Variants in NUDT21 observed in about 807,000 individuals in gnomAD.
NUDT21 encodes nudix hydrolase 21.
A neutral mutation model predicts 29.8 loss-of-function variants in NUDT21; 5 were observed. The observed-to-expected ratio is 0.17, with a 90% CI of 0.09 to 0.35. The LOEUF (loss-of-function observed/expected upper bound fraction) is 0.35. Among genes scored for constraint, NUDT21 ranks in the 10% least tolerant of loss-of-function variants. The pLI is 1.00. For missense variants in NUDT21, 76 were observed against 276.0 expected (o/e 0.28, Z 5.13); for synonymous variants, 113 against 98.5 (o/e 1.15, Z -0.87).
chr16:56,439,751 C>T lies in NUDT21; in HGVS notation c.382-5G>A, dbSNP rs771269878. 3.7e-6 allele frequency: 6 copies of T among 1,610,728 alleles called. No homozygotes were observed. Among genetic ancestry groups the T allele is most frequent in the Non-Finnish European group, 5.1e-6 (6 of 1,177,140 alleles). On this transcript the variant is annotated splice_region_variant and splice_polypyrimidine_tract_variant and intron_variant, in intron 3 of 6. Transcript: ENST00000300291. The stretch of plus-strand genomic sequence containing the variant: ...TCCATCCTGACGACCCAGTATCTGT[C>T]AAAAAGAAATAAGCCAGTAAACAAC...
chr16:56,432,788 T>C, intron 6 of NUDT21, 55 bp from the exon 7 acceptor site: 2 of 1,295,456 alleles, frequency 1.5e-6, no homozygotes, highest in South Asian at 1.3e-5. Context: ...CTACTTTCCA[T>C]ATTAGATAAA....
In NUDT21 at chr16:56,439,672, A is replaced by G. The variant is rs1962139784; in HGVS notation, c.456T>C (p.Asn152=). The G allele has an allele frequency of 6.2e-7, 1 of 1,613,148 alleles. No individual in the cohort carries two copies. ...GAACACTGACCTGAGGAGGTTCAAA[A>G]TTTGGTCTCCACCAGTTACCAATGC... ...DDCIGNWWRP[N]FEPPQYPYIP... is the part of the protein sequence containing the mutation. Residue 152 remains asparagine, a synonymous_variant, in exon 4 of 7, where the codon AAT becomes AAC. Transcript: ENST00000300291.
chr16:56,435,784 T>TATATATAC (rs58350584), intron 4 of NUDT21, among the ~76,000 whole-genome samples: 1 of 101,996 alleles, frequency 9.8e-6, no homozygotes, highest in African/African-American at 3.8e-5. Context: ...TATATATATA[T>TATATATAC]GATCAGTAAG....
chr16:56,432,823 C>A, intron 6 of NUDT21, 90 bp from the exon 7 acceptor site: 1 of 970,336 alleles, frequency 1.0e-6, no homozygotes, highest in Non-Finnish European at 1.5e-6. Context: ...TGTTTCTGCC[C>A]TCCCTTAGCA....
At chr16:56,436,595 C>A (rs1179211285) in intron 4 of NUDT21, among the ~76,000 whole-genome samples, 1 of 152,178 alleles carries the variant, frequency 6.6e-6, no homozygotes, top group Non-Finnish European at 1.5e-5. Context: ...CTGAATAGCA[C>A]AAGCTAAGAG....
chr16:56,434,063 G>A (rs762464382), intron 6 of NUDT21, among the ~76,000 whole-genome samples: 1 of 152,050 alleles, frequency 6.6e-6, no homozygotes, highest in Non-Finnish European at 1.5e-5. Flanking sequence ...TCTCTTTTTT[G>A]AATAAAGACA....
chr16:56,434,537 G>A, intron 5 of NUDT21, 92 bp from the exon 6 acceptor site: 1 of 848,566 alleles, frequency 1.2e-6, no homozygotes, highest in Non-Finnish European at 1.9e-6. Context: ...TTAATAAAAA[G>A]TGTAAGAAAA....
intron 4 of NUDT21, 62 bp from the exon 5 acceptor site, chr16:56,434,891 T>C (rs1176126130): frequency 2.0e-6 from 2 of 990,634 alleles, no homozygotes; most frequent in Admixed American, 3.8e-5. Context: ...TTTACATGTT[T>C]ACTCCCCAGT....
intron 3 of NUDT21, 124 bp from the exon 4 acceptor site, chr16:56,439,870 C>T: frequency 1.3e-6 from 1 of 752,884 alleles, no homozygotes; most frequent in East Asian, 2.5e-5. Flanking sequence ...GCCTTCCATA[C>T]AGATTTTCTA....
rs999279741 is a variant in NUDT21, at chr16:56,451,261, C to G, written c.-59G>C. On this transcript the variant is annotated 5_prime_UTR_variant, in exon 1 of 7. Transcript: ENST00000300291. ...AGTGGCAGGCAGGGTAGACTTTCCC[C>G]GTGCGGGAAGCGGTTATCTGCAATC... 80 of 1,328,174 alleles carry G rather than the reference C, an allele frequency of 6.0e-5. No individual in the cohort carries two copies. Among genetic ancestry groups the G allele is most frequent in the Admixed American group, 4.6e-4 (23 of 50,454 alleles). 82.3% of individuals were successfully genotyped at this position (1,328,174 alleles called of 1,614,324 possible). A position where few individuals can be genotyped will look rare whatever the true frequency, so the allele number is the denominator to read the frequency against.
At position 56,431,543 on chromosome 16, in the gene NUDT21, A is replaced by G. The variant is rs1455753473; in HGVS notation, c.*1169T>C. ...TACTAATCAAAAGTTCATTTCTATT[A>G]AAAACCCTTTTTTCCTTAAGTAGCT... On this transcript the variant is annotated 3_prime_UTR_variant, in exon 7 of 7. Transcript: ENST00000300291. 6.6e-6 allele frequency: 1 copy of G among 152,204 alleles called. No individual in the cohort carries two copies. Among genetic ancestry groups the G allele is most frequent in the African/African-American group, 2.4e-5 (1 of 41,446 alleles). The allele number at this position is 152,204 out of a possible 1,614,324, so 9.4% of individuals were successfully genotyped here.
Position 56,431,123 on chromosome 16 carries a change from A to C in NUDT21, c.*1589T>G, listed in dbSNP as rs1413487041. The stretch of plus-strand genomic sequence containing the variant: ...CATGGAAGGTGAGCTGAATCAATCC[A>C]TCTTCATATCCACTTCCTCCAATCT... On this transcript the variant is annotated 3_prime_UTR_variant, in exon 7 of 7. Transcript: ENST00000300291. 6.6e-6 allele frequency: 1 copy of C among 152,262 alleles called. No individual in the cohort carries two copies. Among genetic ancestry groups the C allele is most frequent in the Non-Finnish European group, 1.5e-5 (1 of 68,052 alleles). 9.4% of individuals were successfully genotyped at this position (152,262 alleles called of 1,614,324 possible).
intron 4 of NUDT21, among the ~76,000 whole-genome samples, chr16:56,438,308 TGA>T (rs1188322385): frequency 6.6e-6 from 1 of 152,232 alleles, no homozygotes; most frequent in Non-Finnish European, 1.5e-5. Context: ...GCCAGCTGCC[TGA>T]GAGTTGTCCT....
intron 1 of NUDT21, among the ~76,000 whole-genome samples, chr16:56,450,725 T>C (rs1962293253): frequency 6.6e-6 from 1 of 152,004 alleles, no homozygotes; most frequent in Non-Finnish European, 1.5e-5. Flanking sequence ...CACAAAGCAA[T>C]ACCATGTACG....
intron 6 of NUDT21, among the ~76,000 whole-genome samples, chr16:56,433,100 CT>C (rs543585903): frequency 5.9e-4 from 90 of 152,322 alleles, no homozygotes; most frequent in African/African-American, 2.1e-3. Context: ...TAATATGACT[CT>C]TTTCCCCCCA....
Position 56,429,834 on chromosome 16 carries a change from G to C in NUDT21, c.*2878C>G, listed in dbSNP as rs1480874755. The C allele has an allele frequency of 6.6e-6, 1 of 152,164 alleles. No individual in the cohort carries two copies. The allele number at this position is 152,164 out of a possible 1,614,324, so 9.4% of individuals were successfully genotyped here. A position where few individuals can be genotyped will look rare whatever the true frequency, so the allele number is the denominator to read the frequency against. ...ATGAACTAGTAAAAACATTAAGTTT[G>C]AGGATGGAAAAGCTACCCCAAGCAT... On this transcript the variant is annotated 3_prime_UTR_variant, in exon 7 of 7. Coordinates refer to ENST00000300291, the MANE Select transcript of NUDT21 (RefSeq NM_007006.3).
At chr16:56,432,889 T>C (rs1567537267) in intron 6 of NUDT21, among the ~76,000 whole-genome samples, 156 bp from the exon 7 acceptor site, 1 of 152,316 alleles carries the variant, frequency 6.6e-6, no homozygotes, top group East Asian at 1.9e-4. Context: ...GTTTGGCATT[T>C]TCTACACCAA....
chr16:56,451,081 A>C lies in NUDT21; in HGVS notation c.116+6T>G. The C allele has an allele frequency of 6.2e-7, 1 of 1,611,532 alleles. No homozygotes were observed. Among genetic ancestry groups the C allele is most frequent in the Middle Eastern group, 1.7e-4 (1 of 6,046 alleles). On this transcript the variant is annotated splice_donor_region_variant and intron_variant, in intron 1 of 6. Transcript: ENST00000300291. ...GAAATGCCCGCCAAGGCCGCGCCGC[A>C]CTTACAGGTTGATGGTGCGCTCCAG...
chr16:56,446,515 T>G, intron 3 of NUDT21, 111 bp downstream of exon 3: 1 of 604,724 alleles, frequency 1.7e-6, no homozygotes, highest in East Asian at 2.9e-5. Context: ...GGAGTTTAAG[T>G]TGTATTTATT....
Sources: allele counts gnomAD v4.1 joint callset (sites outside exome capture counted in the v4.1 genomes callset), GRCh38; gene constraint gnomAD v4.1.1; transcripts MANE v1.5; gene names NCBI Gene and HGNC (gene_info 2026-07-23, HGNC 2026-07-21).